The following PDE3B variants were observed in gnomAD, a reference collection of about 807,000 sequenced individuals.
PDE3B encodes cGMP-inhibited 3',5'-cyclic phosphodiesterase 3B.
A neutral mutation model predicts 116.8 loss-of-function variants in PDE3B; 66 were observed. That is an observed-to-expected ratio of 0.56 (90% CI 0.46 to 0.69). The LOEUF (loss-of-function observed/expected upper bound fraction) is 0.69, where lower values mean the gene tolerates loss of function less well. PDE3B is among the 30% of genes least tolerant of loss of function. The probability of loss-of-function intolerance (pLI) is 0.00; values close to 1 mark genes in which losing one functional copy is unlikely to be tolerated. For missense variants in PDE3B, 1,384 were observed against 1,368.1 expected (o/e 1.01, Z -0.18); for synonymous variants, 595 against 533.6 (o/e 1.12, Z -1.59).
intron 1 of PDE3B, among the ~76,000 whole-genome samples, chr11:14,664,449 A>C (rs533191517): frequency 3.9e-5 from 6 of 152,238 alleles, no homozygotes; most frequent in Non-Finnish European, 8.8e-5. Flanking sequence ...AGTCACAAAA[A>C]ACACTTCAAA....
chr11:14,690,921 T>C (rs1483027871), intron 1 of PDE3B, among the ~76,000 whole-genome samples: 1 of 152,080 alleles, frequency 6.6e-6, no homozygotes, highest in Non-Finnish European at 1.5e-5. Flanking sequence ...TCCAGGGAAG[T>C]TTTTTTGTAT....
At chr11:14,676,653 A>G (rs1206271595) in intron 1 of PDE3B, among the ~76,000 whole-genome samples, 1 of 152,128 alleles carries the variant, frequency 6.6e-6, no homozygotes, top group Non-Finnish European at 1.5e-5. Flanking sequence ...TTACTTTATA[A>G]AAAAGTAACC....
At chr11:14,773,956 A>C (rs1336048046) in intron 2 of PDE3B, 1 of 152,156 alleles carries the variant, frequency 6.6e-6, no homozygotes, top group Non-Finnish European at 1.5e-5. Context: ...CATAGCTCTG[A>C]ACTCCAATTT....
At chr11:14,687,774 T>A (rs1854918289) in intron 1 of PDE3B, among the ~76,000 whole-genome samples, 1 of 152,214 alleles carries the variant, frequency 6.6e-6, no homozygotes, top group Admixed American at 6.5e-5. Context: ...ATCATATGGA[T>A]GACATACAGT....
At chr11:14,735,981 TG>T (rs1856586804) in intron 1 of PDE3B, among the ~76,000 whole-genome samples, 1 of 151,770 alleles carries the variant, frequency 6.6e-6, no homozygotes, top group East Asian at 1.9e-4. Flanking sequence ...TGTGTGTGTG[TG>T]TGTGTGTGTG....
At chr11:14,800,970 C>T (rs553410112) in intron 4 of PDE3B, among the ~76,000 whole-genome samples, 2 of 152,118 alleles carry the variant, frequency 1.3e-5, no homozygotes, top group African/African-American at 2.4e-5. Context: ...GTATGCCTCA[C>T]GAAGTTCTCG....
At chr11:14,725,184 A>G (rs1437075519) in intron 1 of PDE3B, among the ~76,000 whole-genome samples, 2 of 152,320 alleles carry the variant, frequency 1.3e-5, no homozygotes, top group South Asian at 2.1e-4. Context: ...GGGCTGCTGC[A>G]TGCTAGTAAA....
intron 7 of PDE3B, among the ~76,000 whole-genome samples, chr11:14,822,594 C>G (rs1859556393): frequency 6.6e-6 from 1 of 152,160 alleles, no homozygotes; most frequent in African/African-American, 2.4e-5. Flanking sequence ...GTCAGGAGAC[C>G]CTCCTCGTAA....
At chr11:14,891,424 A>T in the PDE3B span, 1 of 985,702 alleles carries the variant, frequency 1.0e-6, no homozygotes, top group Non-Finnish European at 1.2e-6. Context: ...CGCGTTCACA[A>T]TCGTTTCCCA....
intron 2 of PDE3B, among the ~76,000 whole-genome samples, chr11:14,777,139 AACAGTGGAGATG>A (rs753540352): frequency 5.9e-5 from 9 of 152,224 alleles, no homozygotes; most frequent in Non-Finnish European, 8.8e-5. Context: ...TGGGATGAAT[AACAGTGGAGATG>A]ACAGTAGGAT....
chr11:14,663,200 T>G (rs1335115968), intron 1 of PDE3B, among the ~76,000 whole-genome samples: 200 of 150,420 alleles, frequency 1.3e-3, no homozygotes, highest in African/African-American at 4.5e-3. Context: ...TTCATATCCA[T>G]CCAAACTAAG....
At chr11:14,880,421 G>T in the PDE3B span, 2 of 1,613,378 alleles carry the variant, frequency 1.2e-6, no homozygotes, top group Non-Finnish European at 1.7e-6. Context: ...TTTCCAAAAG[G>T]CAGGATGCCA....
intron 1 of PDE3B, among the ~76,000 whole-genome samples, chr11:14,746,870 A>T (rs112327031): frequency 6.6e-6 from 1 of 152,218 alleles, no homozygotes; most frequent in Non-Finnish European, 1.5e-5. Flanking sequence ...TTCCATCTCT[A>T]TGGCTTTAGT....
chr11:14,775,346 G>A (rs1857755076), intron 2 of PDE3B: 1 of 151,988 alleles, frequency 6.6e-6, no homozygotes, highest in Admixed American at 6.5e-5. Context: ...TATTTATGCT[G>A]TGTCCATTTT....
intron 4 of PDE3B, among the ~76,000 whole-genome samples, chr11:14,800,337 C>A (rs113826397): frequency 2.6e-5 from 4 of 152,158 alleles, no homozygotes; most frequent in African/African-American, 9.6e-5. Flanking sequence ...TGGTGGTGCG[C>A]GCCTGTAATC....
chr11:14,835,106 C>T lies in PDE3B; in HGVS notation c.2320+11C>T. On this transcript the variant is annotated intron_variant, in intron 11 of 15. Coordinates refer to ENST00000282096, the MANE Select transcript of PDE3B (RefSeq NM_000922.4). ...CAGGAAATGAAACAGGTACTTCCTT[C>T]TACAAATCTCTTAATTATTTTGATC... is the stretch of plus-strand genomic sequence containing the variant. 5 of 1,448,062 alleles carry T rather than the reference C, an allele frequency of 3.5e-6. No homozygotes were observed. Among genetic ancestry groups the T allele is most frequent in the Non-Finnish European group, 4.8e-6 (5 of 1,037,970 alleles). The allele number at this position is 1,448,062 out of a possible 1,614,324, so 89.7% of individuals were successfully genotyped here.
chr11:14,803,789 A>G (rs1336633418), intron 4 of PDE3B, among the ~76,000 whole-genome samples, 155 bp from the exon 5 acceptor site: 1 of 152,222 alleles, frequency 6.6e-6, no homozygotes, highest in African/African-American at 2.4e-5. Flanking sequence ...CTTTACAGAA[A>G]AAGTTTGCTG....
At chr11:14,847,095 G>A (rs558345651) in intron 12 of PDE3B, among the ~76,000 whole-genome samples, 140 of 152,218 alleles carry the variant, frequency 9.2e-4, no homozygotes, top group African/African-American at 3.2e-3. Flanking sequence ...TGGAAGTAAA[G>A]CTCTCCTCAG....
rs188607356 is a variant in PDE3B at position 14,655,484 on chromosome 11, A to G, written c.978+10431A>G. Among the ~76,000 whole-genome samples the G allele has an allele frequency of 5.3e-3, 808 of 152,270 alleles. 11 individuals carry two copies. Among genetic ancestry groups the G allele is most frequent in the Non-Finnish European group, 6.5e-3 (440 of 68,008 alleles). Reference sequence around the variant, plus strand: ...CTGTCTTAATTACCTTTCAGTTATTAGCCCCCTTTTTTGAGCATCTCAGTG... The same window carrying G: ...CTGTCTTAATTACCTTTCAGTTATTGGCCCCCTTTTTTGAGCATCTCAGTG... On this transcript the variant is annotated intron_variant, in intron 1 of 15. Coordinates refer to ENST00000282096, the MANE Select transcript of PDE3B (RefSeq NM_000922.4).
Sources: allele counts gnomAD v4.1 joint callset (sites outside exome capture counted in the v4.1 genomes callset), GRCh38; gene constraint gnomAD v4.1.1; transcripts MANE v1.5; gene names NCBI Gene and HGNC (gene_info 2026-07-23, HGNC 2026-07-21).